COG5: variants seen among roughly 807,000 people sequenced by gnomAD.
COG5 encodes the protein conserved oligomeric Golgi complex subunit 5.
In COG5, 86 loss-of-function variants were observed where a neutral mutation model predicts 110.4. The ratio of observed to expected loss-of-function variants is 0.78; its 90% CI spans 0.65 to 0.93. The LOEUF (loss-of-function observed/expected upper bound fraction) is 0.93. Ranked by LOEUF, COG5 falls within the 40% of genes least tolerant of loss-of-function variation. COG5 has a pLI of 0.00. For synonymous variants in COG5, 360 were observed against 334.6 expected (o/e 1.08, Z -0.83); for missense variants, 1,077 against 987.0 (o/e 1.09, Z -1.22).
chr7:107,424,707 A>G (rs929568976), intron 6 of COG5, among the ~76,000 whole-genome samples: 4 of 152,196 alleles, frequency 2.6e-5, no homozygotes, highest in African/African-American at 9.7e-5. Flanking sequence ...TATTAATTCT[A>G]CATTTACATT....
intron 6 of COG5, among the ~76,000 whole-genome samples, chr7:107,454,833 T>C (rs996334370): frequency 6.6e-6 from 1 of 151,750 alleles, no homozygotes; most frequent in African/African-American, 2.4e-5. Context: ...ATTCCTAAAA[T>C]TAAAAAGAAA....
intron 6 of COG5, among the ~76,000 whole-genome samples, chr7:107,442,663 C>A (rs983410214): frequency 7.5e-5 from 11 of 145,852 alleles, no homozygotes; most frequent in Non-Finnish European, 1.2e-4. Flanking sequence ...AAAAAAAAGT[C>A]TATACGAGAA....
intron 6 of COG5, among the ~76,000 whole-genome samples, chr7:107,508,954 A>G (rs565423112): frequency 1.3e-5 from 2 of 152,282 alleles, no homozygotes; most frequent in Admixed American, 6.5e-5. Context: ...GAAAAAAACA[A>G]AGCAGAAACA....
In COG5 at chr7:107,368,746, C is replaced by T. The variant is rs1035867081; in HGVS notation, c.835+3849G>A. ...AAATTTGGATATTCTGTGTTGTCTA[C>T]TTTGCTTCATCATCATCTTTCTTCA... On this transcript the variant is annotated intron_variant, in intron 8 of 21. Coordinates refer to ENST00000297135, the MANE Select transcript of COG5 (RefSeq NM_006348.5). Among the ~76,000 whole-genome samples the T allele has an allele frequency of 3.3e-5, 5 of 152,148 alleles. No homozygotes were observed. The East Asian group carries it at 5.8e-4, about 18-fold the overall frequency.
intron 10 of COG5, among the ~76,000 whole-genome samples, chr7:107,350,232 C>T (rs1221014906): frequency 6.6e-6 from 1 of 152,108 alleles, no homozygotes; most frequent in Non-Finnish European, 1.5e-5. Context: ...ATTTCTCTTT[C>T]ATATTCTTCA....
intron 19 of COG5, among the ~76,000 whole-genome samples, chr7:107,212,769 A>G (rs542893021): frequency 2.0e-5 from 3 of 152,346 alleles, no homozygotes; most frequent in South Asian, 4.1e-4. Flanking sequence ...ATGAGAATGA[A>G]AACACCTACA....
At chr7:107,428,633 C>G (rs1332877923) in intron 6 of COG5, among the ~76,000 whole-genome samples, 1 of 152,196 alleles carries the variant, frequency 6.6e-6, no homozygotes, top group Non-Finnish European at 1.5e-5. Flanking sequence ...TTTTAAGGCA[C>G]TCAGTTTGAG....
chr7:107,233,302 T>C lies in COG5; in HGVS notation c.2092-2611A>G, dbSNP rs117309389. On this transcript the variant is annotated intron_variant, in intron 18 of 21. Coordinates refer to ENST00000297135, the MANE Select transcript of COG5 (RefSeq NM_006348.5). ...CAGTGTCGTGGACAGGCTTAGTGATTTCAGAACTGCTGTGTGATCAGTGTA... is the reference window on the plus strand; with the variant it reads ...CAGTGTCGTGGACAGGCTTAGTGATCTCAGAACTGCTGTGTGATCAGTGTA... 2.0e-3 allele frequency among the ~76,000 whole-genome samples: 308 copies of C among 152,228 alleles called. 2 individuals carry two copies. Among genetic ancestry groups the C allele is most frequent in the South Asian group, 0.012 (57 of 4,818 alleles).
At chr7:107,329,235 T>C (rs1480040821) in intron 10 of COG5, among the ~76,000 whole-genome samples, 1 of 152,110 alleles carries the variant, frequency 6.6e-6, no homozygotes, top group African/African-American at 2.4e-5. Flanking sequence ...AATTAACAGC[T>C]AGAGGCAGCT....
At chr7:107,253,570 T>C (rs933987020) in intron 16 of COG5, among the ~76,000 whole-genome samples, 1 of 152,100 alleles carries the variant, frequency 6.6e-6, no homozygotes, top group Non-Finnish European at 1.5e-5. Flanking sequence ...AAATGGTACT[T>C]ATATAGCTAT....
chr7:107,426,094 C>CT (rs1793625964), intron 6 of COG5, among the ~76,000 whole-genome samples: 1 of 152,142 alleles, frequency 6.6e-6, no homozygotes, highest in South Asian at 2.1e-4. Flanking sequence ...AGGAAGCAAA[C>CT]TTACTGACAT....
chr7:107,335,703 C>G (rs539422547), intron 10 of COG5, among the ~76,000 whole-genome samples: 1 of 152,240 alleles, frequency 6.6e-6, no homozygotes, highest in South Asian at 2.1e-4. Context: ...AAACAAGACT[C>G]AACTATACAC....
chr7:107,263,219 C>T (rs556208609), intron 14 of COG5, among the ~76,000 whole-genome samples: 6 of 152,340 alleles, frequency 3.9e-5, no homozygotes, highest in African/African-American at 1.4e-4. Flanking sequence ...TTAACCTTTA[C>T]TATCTCAAGC....
chr7:107,398,677 T>G (rs1052580957), intron 7 of COG5, among the ~76,000 whole-genome samples: 3 of 152,100 alleles, frequency 2.0e-5, no homozygotes, highest in Non-Finnish European at 4.4e-5. Flanking sequence ...AATAAAAGAT[T>G]GTGCTAAGTG....
At position 107,248,386 on chromosome 7, in the gene COG5, A is replaced by C. The variant is rs769259420; in HGVS notation, c.1853+10T>G. 1 of 1,561,754 alleles carries C rather than the reference A, an allele frequency of 6.4e-7. No individual in the cohort carries two copies. Among genetic ancestry groups the C allele is most frequent in the Non-Finnish European group, 8.8e-7 (1 of 1,132,506 alleles). Reference sequence around the variant, plus strand: ...TAAAAGTTAGTAAAAATTTGGTTAGAAGTAATTACCCAGAAAAGTCTTCTT... The same window carrying C: ...TAAAAGTTAGTAAAAATTTGGTTAGCAGTAATTACCCAGAAAAGTCTTCTT... On this transcript the variant is annotated intron_variant, in intron 17 of 21. Transcript: ENST00000297135.
intron 6 of COG5, among the ~76,000 whole-genome samples, chr7:107,442,529 C>A: frequency 6.7e-6 from 1 of 148,432 alleles, no homozygotes. Context: ...TAAAGGTAAA[C>A]ATCAGCCCAA....
intron 10 of COG5, among the ~76,000 whole-genome samples, chr7:107,342,095 C>G (rs1197718284): frequency 6.6e-6 from 1 of 152,008 alleles, no homozygotes; most frequent in South Asian, 2.1e-4. Context: ...ACAACCCACA[C>G]TATAGAAGGA....
At chr7:107,210,890 T>A (rs1464556958) in intron 20 of COG5, among the ~76,000 whole-genome samples, 2 of 152,244 alleles carry the variant, frequency 1.3e-5, no homozygotes, top group Admixed American at 1.3e-4. Flanking sequence ...AAATTCTGGA[T>A]GCATCAGGTA....
At chr7:107,383,544 C>G (rs1815312520) in intron 7 of COG5, among the ~76,000 whole-genome samples, 1 of 152,144 alleles carries the variant, frequency 6.6e-6, no homozygotes, top group Non-Finnish European at 1.5e-5. Context: ...TCTAGGCCCC[C>G]CTACCTCAAG....
Sources: allele counts gnomAD v4.1 joint callset (sites outside exome capture counted in the v4.1 genomes callset), GRCh38; gene constraint gnomAD v4.1.1; transcripts MANE v1.5; gene names NCBI Gene and HGNC (gene_info 2026-07-23, HGNC 2026-07-21).